Variants in TNFRSF10B observed in about 807,000 individuals in gnomAD.
TNFRSF10B encodes tumor necrosis factor receptor superfamily member 10B.
In TNFRSF10B, 35 loss-of-function variants were observed where a neutral mutation model predicts 41.4. The ratio of observed to expected loss-of-function variants is 0.85; its 90% CI spans 0.65 to 1.12. TNFRSF10B has a LOEUF of 1.12. Among genes scored for constraint, TNFRSF10B ranks in the 50% most tolerant of loss-of-function variants. TNFRSF10B has a pLI of 0.00. For missense variants in TNFRSF10B, 584 were observed against 552.7 expected, an observed-to-expected ratio of 1.06 and a Z score of -0.57; for synonymous variants, 230 against 215.5, an observed-to-expected ratio of 1.07 and a Z score of -0.59.
At position 23,027,670 on chromosome 8, in the gene TNFRSF10B, G is replaced by A. The variant is rs919084285; in HGVS notation, c.780+52C>T. ...CACCCACCCAGGTTCTGCTGTCCCAGGAAGCAGTTCCTGAACCCCTGAGCC... is the reference window on the plus strand; with the variant it reads ...CACCCACCCAGGTTCTGCTGTCCCAAGAAGCAGTTCCTGAACCCCTGAGCC... On this transcript the variant is annotated intron_variant, in intron 6 of 8. Coordinates refer to ENST00000276431, the MANE Select transcript of TNFRSF10B (RefSeq NM_003842.5). 3 of 1,613,332 alleles carry A rather than the reference G, an allele frequency of 1.9e-6. No homozygotes were observed. In the African/African-American group the frequency reaches 4.0e-5, roughly 22 times the overall value.
At position 23,029,733 on chromosome 8, in the gene TNFRSF10B, G is replaced by A; in HGVS notation, c.365-12C>T. On this transcript the variant is annotated splice_polypyrimidine_tract_variant and intron_variant, in intron 3 of 8. Transcript: ENST00000276431. ...TAGCTCCACTTCACCTGACGACAGA[G>A]CATAAGGTTTTGGGAATGTGTTTTC... The A allele has an allele frequency of 6.2e-7, 1 of 1,610,600 alleles. No individual in the cohort carries two copies. Among genetic ancestry groups the A allele is most frequent in the East Asian group, 2.2e-5 (1 of 44,860 alleles).
chr8:23,049,908 T>C (rs1386855386), intron 1 of TNFRSF10B: 2 of 152,250 alleles, frequency 1.3e-5, no homozygotes, highest in Non-Finnish European at 1.5e-5. Context: ...AGCCAGAAGA[T>C]AAGGACAGTG....
chr8:23,029,701 A>G lies in TNFRSF10B; in HGVS notation c.385T>C (p.Cys129Arg), dbSNP rs1398386139. ...CDSGEVELSP[C>R]TTTRNTVCQC... ...CACACTGTGTTTCTGGTCGTGGTGCAGGGACTTAGCTCCACTTCACCTGAC... is the reference window on the plus strand; with the variant it reads ...CACACTGTGTTTCTGGTCGTGGTGCGGGGACTTAGCTCCACTTCACCTGAC... Residue 129 changes from cysteine (C) to arginine (R), a missense_variant, in exon 4 of 9, where the codon TGC becomes CGC. Transcript: ENST00000276431. 2 of 1,613,888 alleles carry G rather than the reference A, an allele frequency of 1.2e-6. No individual in the cohort carries two copies. Among genetic ancestry groups the G allele is most frequent in the African/African-American group, 2.7e-5 (2 of 75,052 alleles).
intron 1 of TNFRSF10B, among the ~76,000 whole-genome samples, chr8:23,064,346 G>A (rs758408509): frequency 6.6e-5 from 10 of 152,190 alleles, no homozygotes; most frequent in Non-Finnish European, 1.3e-4. Context: ...CAAAATGTAG[G>A]AGAGTTGAAA....
intron 2 of TNFRSF10B, among the ~76,000 whole-genome samples, chr8:23,039,566 C>A (rs1812112429): frequency 6.6e-6 from 1 of 152,130 alleles, no homozygotes. Context: ...ATGTTAATCC[C>A]ATCTAAAACC....
Sources: allele counts gnomAD v4.1 joint callset (sites outside exome capture counted in the v4.1 genomes callset), GRCh38; gene constraint gnomAD v4.1.1; transcripts MANE v1.5; gene names NCBI Gene and HGNC (gene_info 2026-07-23, HGNC 2026-07-21).